PAM: variants seen among roughly 807,000 people sequenced by gnomAD.
PAM encodes the protein peptidyl-glycine alpha-amidating monooxygenase.
A neutral mutation model predicts 122.1 loss-of-function variants in PAM; 72 were observed. The observed-to-expected ratio is 0.59, with a 90% confidence interval of 0.49 to 0.72. The LOEUF is 0.72. Among genes scored for constraint, PAM ranks in the 30% least tolerant of loss-of-function variants. The pLI is 0.00. For synonymous variants in PAM, 389 were observed against 404.4 expected (o/e 0.96, Z 0.46); for missense variants, 1,106 against 1,183.7 (o/e 0.93, Z 0.96).
chr5:102,786,493 G>T (rs991185583), intron 1 of PAM, among the ~76,000 whole-genome samples: 1 of 152,092 alleles, frequency 6.6e-6, no homozygotes, highest in African/African-American at 2.4e-5. Context: ...CAGTTTCTGA[G>T]TTTTTTAATG....
At chr5:102,875,199 A>G (rs997168344) in intron 3 of PAM, among the ~76,000 whole-genome samples, 5 of 151,184 alleles carry the variant, frequency 3.3e-5, no homozygotes, top group Non-Finnish European at 7.4e-5. Context: ...CATTATTATT[A>G]TTATTATTAT....
chr5:102,958,895 T>TG, intron 12 of PAM, among the ~76,000 whole-genome samples: 1 of 152,300 alleles, frequency 6.6e-6, no homozygotes, highest in African/African-American at 2.4e-5. Context: ...AGCTTTTTTT[T>TG]ATTAGTGTAG....
At chr5:102,814,458 G>T (rs999002680) in intron 1 of PAM, among the ~76,000 whole-genome samples, 1 of 151,446 alleles carries the variant, frequency 6.6e-6, no homozygotes, top group East Asian at 1.9e-4. Context: ...TTAATCAAGG[G>T]ACAGTGTGAC....
chr5:102,765,867 G>A (rs1753767836), intron 1 of PAM, among the ~76,000 whole-genome samples: 4 of 152,018 alleles, frequency 2.6e-5, no homozygotes, highest in Admixed American at 1.3e-4. Flanking sequence ...TTGGATTATG[G>A]TCTACCCTAA....
chr5:102,981,392 T>C (rs1045069624), intron 15 of PAM, among the ~76,000 whole-genome samples: 7 of 152,250 alleles, frequency 4.6e-5, no homozygotes, highest in African/African-American at 1.7e-4. Flanking sequence ...ATTGTCTTTA[T>C]TGATAGTAAT....
intron 1 of PAM, among the ~76,000 whole-genome samples, chr5:102,763,841 G>C (rs914506371): frequency 4.6e-5 from 7 of 152,188 alleles, no homozygotes; most frequent in African/African-American, 1.7e-4. Context: ...GAAGAATTTG[G>C]TTTTCCTCAT....
chr5:102,894,692 G>T (rs1006764900), intron 3 of PAM, among the ~76,000 whole-genome samples: 1 of 151,764 alleles, frequency 6.6e-6, no homozygotes, highest in South Asian at 2.1e-4. Flanking sequence ...AACATGTTCA[G>T]TGCCAAATTC....
At chr5:102,825,437 G>C (rs73189022) in intron 1 of PAM, among the ~76,000 whole-genome samples, 1 of 152,120 alleles carries the variant, frequency 6.6e-6, no homozygotes, top group Admixed American at 6.5e-5. Context: ...GAGGGAACCC[G>C]GTTGCTTACT....
Position 102,827,920 on chromosome 5 carries a change from T to A in PAM, c.-373-37903T>A, listed in dbSNP as rs552511019. Among the ~76,000 whole-genome samples the A allele has an allele frequency of 3.5e-4, 53 of 151,958 alleles. 9 individuals are homozygous for A. Among genetic ancestry groups the A allele is most frequent in the Non-Finnish European group, 7.1e-4 (48 of 67,962 alleles). On this transcript the variant is annotated intron_variant, in intron 1 of 25. Coordinates refer to ENST00000438793, the MANE Select transcript of PAM (RefSeq NM_001177306.2). ...CCAGGATGGTGAAGCTCACTATGAT[T>A]TTAGCATTAAAAACCACTCTTGGAC... is the stretch of plus-strand genomic sequence containing the variant.
At chr5:102,835,804 TATTTAA>T (rs1248560299) in intron 1 of PAM, among the ~76,000 whole-genome samples, 2 of 152,200 alleles carry the variant, frequency 1.3e-5, no homozygotes, top group African/African-American at 4.8e-5. Flanking sequence ...TGTATGATTT[TATTTAA>T]ATTTAAAGTA....
At chr5:102,756,680 C>G (rs543489705) in intron 1 of PAM, among the ~76,000 whole-genome samples, 1 of 152,160 alleles carries the variant, frequency 6.6e-6, no homozygotes, top group East Asian at 1.9e-4. Context: ...CCTAAAAAAT[C>G]AGCTTTACAG....
intron 7 of PAM, among the ~76,000 whole-genome samples, chr5:102,936,179 T>A (rs1753188306): frequency 6.6e-6 from 1 of 152,156 alleles, no homozygotes. Flanking sequence ...AAAGCAGTGA[T>A]GTCATGTTGG....
At chr5:102,823,084 G>A (rs1221505073) in intron 1 of PAM, among the ~76,000 whole-genome samples, 1 of 152,194 alleles carries the variant, frequency 6.6e-6, no homozygotes, top group East Asian at 1.9e-4. Context: ...TAGGTATTGA[G>A]TGGGATGTGG....
At chr5:102,861,013 G>T (rs951097472) in intron 1 of PAM, among the ~76,000 whole-genome samples, 6 of 152,148 alleles carry the variant, frequency 3.9e-5, no homozygotes, top group East Asian at 1.9e-4. Flanking sequence ...ATAAAAGACT[G>T]CTCACTCTGG....
chr5:102,892,193 G>C (rs1382620975), intron 3 of PAM, among the ~76,000 whole-genome samples: 1 of 151,784 alleles, frequency 6.6e-6, no homozygotes, highest in Non-Finnish European at 1.5e-5. Flanking sequence ...ATTGGGCATT[G>C]TGACAACGAC....
At position 102,924,958 on chromosome 5, in the gene PAM, T is replaced by A. The variant is rs1355665472; in HGVS notation, c.358T>A (p.Phe120Ile). ...TATACTACTTTTTATTTTCTTCAGG[T>A]TTTGTGATGAAGGAACCTGTACAGA... Reference protein sequence around the residue: ...NMPSSTGSYWFCDEGTCTDKA... With the variant: ...NMPSSTGSYWICDEGTCTDKA... Residue 120 changes from phenylalanine (F) to isoleucine (I), a missense_variant and splice_region_variant, in exon 6 of 26, where the codon TTT becomes ATT. Physicochemically the swap from Phe to Ile is conservative, Grantham distance 21 (BLOSUM62 0). This residue lies in a region of PAM where 670 missense variants were observed against 690.3 expected (regional missense o/e 0.97). Transcript: ENST00000438793. 1.4e-6 allele frequency: 2 copies of A among 1,481,088 alleles called. No individual in the cohort carries two copies. Among genetic ancestry groups the A allele is most frequent in the South Asian group, 1.1e-5 (1 of 88,182 alleles). 91.7% of individuals were successfully genotyped at this position (1,481,088 alleles called of 1,614,324 possible). A position where few individuals can be genotyped will look rare whatever the true frequency, so the allele number is the denominator to read the frequency against.
At chr5:102,774,213 G>A (rs780829214) in intron 1 of PAM, among the ~76,000 whole-genome samples, 8 of 152,048 alleles carry the variant, frequency 5.3e-5, no homozygotes, top group South Asian at 2.1e-4. Context: ...ATTTATATTC[G>A]TCTGAGTATA....
Position 103,028,882 on chromosome 5 carries a change from T to A in PAM, c.2744-5T>A. 1 of 1,593,924 alleles carries A rather than the reference T, an allele frequency of 6.3e-7. No homozygotes were observed. Among genetic ancestry groups the A allele is most frequent in the Non-Finnish European group, 8.5e-7 (1 of 1,172,624 alleles). On this transcript the variant is annotated splice_polypyrimidine_tract_variant and splice_region_variant and intron_variant, in intron 25 of 25. Transcript: ENST00000438793. ...CCAATTCTGTTATTGTTTGCTTTTTTTCAGGAAAGGGAAGTGGAGGCTTAA... is the reference window on the plus strand; with the variant it reads ...CCAATTCTGTTATTGTTTGCTTTTTATCAGGAAAGGGAAGTGGAGGCTTAA...
At chr5:103,023,715 G>A (rs1195949940) in intron 23 of PAM, among the ~76,000 whole-genome samples, 1 of 152,042 alleles carries the variant, frequency 6.6e-6, no homozygotes, top group Non-Finnish European at 1.5e-5. Flanking sequence ...TACAGGGAAG[G>A]AAAGGAGGAC....
Sources: allele counts gnomAD v4.1 joint callset (sites outside exome capture counted in the v4.1 genomes callset), GRCh38; gene constraint gnomAD v4.1.1; regional missense constraint gnomAD v4.1.1; transcripts MANE v1.5; gene names NCBI Gene and HGNC (gene_info 2026-07-23, HGNC 2026-07-21).